ATP8A2: variants seen among roughly 807,000 people sequenced by gnomAD.
ATP8A2 encodes phospholipid-transporting ATPase IB.
A neutral mutation model predicts 165.6 loss-of-function variants in ATP8A2; 100 were observed. That is an observed-to-expected ratio of 0.60 (90% CI 0.51 to 0.71). The LOEUF is 0.71. ATP8A2 is among the 30% of genes least tolerant of loss of function. The probability of loss-of-function intolerance (pLI) is 0.00; values close to 1 mark genes in which losing one functional copy is unlikely to be tolerated. For missense variants in ATP8A2, 1,227 were observed against 1,479.5 expected, an observed-to-expected ratio of 0.83 and a Z score of 2.80; for synonymous variants, 543 against 548.8, an observed-to-expected ratio of 0.99 and a Z score of 0.15.
intron 25 of ATP8A2, among the ~76,000 whole-genome samples, chr13:25,720,668 T>G (rs191124097): frequency 1.5e-4 from 23 of 152,262 alleles, no homozygotes; most frequent in African/African-American, 5.1e-4. Flanking sequence ...TGCCCACCCC[T>G]CAGGTGTGAA....
At position 25,971,026 on chromosome 13, in the gene ATP8A2, G is replaced by A. The variant is rs184450794; in HGVS notation, c.3377+2347G>A. ...GGTGTGTGTGTGTGTTTCTGTGCACGTGTGCGCGCACACATGCACGGGTGG... is the reference window on the plus strand; with the variant it reads ...GGTGTGTGTGTGTGTTTCTGTGCACATGTGCGCGCACACATGCACGGGTGG... On this transcript the variant is annotated intron_variant, in intron 35 of 36. Coordinates refer to ENST00000381655, the MANE Select transcript of ATP8A2 (RefSeq NM_016529.6). Among the ~76,000 whole-genome samples, 27 of 152,114 alleles carry A rather than the reference G, an allele frequency of 1.8e-4. No homozygotes were observed. The East Asian group carries it at 4.8e-3, about 27-fold the overall frequency.
chr13:25,889,275 A>ATATATATATATATATATAT (rs1566239890), intron 33 of ATP8A2, among the ~76,000 whole-genome samples: 4 of 84,886 alleles, frequency 4.7e-5, no homozygotes, highest in African/African-American at 2.7e-4. Context: ...TATATATATA[A>ATATATATATATATATATAT]AATTTAAATG....
At chr13:25,935,737 C>A (rs1449998685) in intron 33 of ATP8A2, among the ~76,000 whole-genome samples, 1 of 152,148 alleles carries the variant, frequency 6.6e-6, no homozygotes, top group African/African-American at 2.4e-5. Flanking sequence ...GATCTGCCCC[C>A]ATGGTCCAAA....
intron 25 of ATP8A2, among the ~76,000 whole-genome samples, chr13:25,728,127 A>G (rs1318471410): frequency 1.3e-5 from 2 of 152,146 alleles, no homozygotes; most frequent in East Asian, 3.9e-4. Flanking sequence ...TAAAGCAAAA[A>G]CCGGTTTTTA....
At chr13:25,647,353 A>G (rs1472446150) in intron 24 of ATP8A2, among the ~76,000 whole-genome samples, 1 of 152,208 alleles carries the variant, frequency 6.6e-6, no homozygotes, top group East Asian at 1.9e-4. Context: ...TTTTGGAAAG[A>G]CAGCTTTGCT....
intron 33 of ATP8A2, among the ~76,000 whole-genome samples, chr13:25,957,889 G>A (rs1289625964): frequency 6.6e-6 from 1 of 152,210 alleles, no homozygotes. Context: ...TGATAGACTG[G>A]ATAAAGAAAA....
Position 25,953,874 on chromosome 13 carries a change from C to T in ATP8A2, c.3184-7701C>T, listed in dbSNP as rs573475608. On this transcript the variant is annotated intron_variant, in intron 33 of 36. Transcript: ENST00000381655. The surrounding 1 kb of genome is among the most constrained non-coding windows in gnomAD (Gnocchi z 6.7). ...CGCAAACTGCAGACCAGGAGATTCC[C>T]TCCGGTGCCTACATCACCAGGGCCC... is the stretch of plus-strand genomic sequence containing the variant. Among the ~76,000 whole-genome samples, 1 of 152,352 alleles carries T rather than the reference C, an allele frequency of 6.6e-6. No homozygotes were observed. Among genetic ancestry groups the T allele is most frequent in the Non-Finnish European group, 1.5e-5 (1 of 68,030 alleles).
chr13:25,376,913 CAG>C (rs1244575179), intron 1 of ATP8A2, among the ~76,000 whole-genome samples: 1 of 152,196 alleles, frequency 6.6e-6, no homozygotes, highest in Non-Finnish European at 1.5e-5. Flanking sequence ...TGATTCTGGA[CAG>C]AGTGTTCATC....
At chr13:25,486,215 T>C (rs1161086018) in intron 2 of ATP8A2, among the ~76,000 whole-genome samples, 1 of 152,214 alleles carries the variant, frequency 6.6e-6, no homozygotes, top group East Asian at 1.9e-4. Context: ...TTTTTTATCA[T>C]GTGTCATGCA....
At chr13:25,842,712 A>G (rs1951772710) in intron 30 of ATP8A2, among the ~76,000 whole-genome samples, 1 of 151,094 alleles carries the variant, frequency 6.6e-6, no homozygotes, top group Non-Finnish European at 1.5e-5. Flanking sequence ...AAAGGAAAGA[A>G]GGAAGGAAGG....
At position 25,912,944 on chromosome 13, in the gene ATP8A2, G is replaced by A. The variant is rs527832626; in HGVS notation, c.3184-48631G>A. ...GTTGGTCAACTGAGTAGCCTTTGAG[G>A]TCAGATAGCCCTGCGTCTCCCTCCC... On this transcript the variant is annotated intron_variant, in intron 33 of 36. Coordinates refer to ENST00000381655, the MANE Select transcript of ATP8A2 (RefSeq NM_016529.6). Among the ~76,000 whole-genome samples the A allele has an allele frequency of 8.5e-5, 13 of 152,310 alleles. No homozygotes were observed. The South Asian group carries it at 2.7e-3, about 32-fold the overall frequency.
At chr13:25,862,258 G>C in intron 32 of ATP8A2, 43 bp from the exon 33 acceptor site, 3 of 1,464,110 alleles carry the variant, frequency 2.0e-6, no homozygotes, top group Non-Finnish European at 2.9e-6. Flanking sequence ...GAATCTGCCA[G>C]GCTGGTCGAG....
intron 33 of ATP8A2, among the ~76,000 whole-genome samples, chr13:25,898,056 A>T (rs905922299): frequency 1.3e-5 from 2 of 151,914 alleles, no homozygotes; most frequent in African/African-American, 4.8e-5. Flanking sequence ...TTCTCTGTCC[A>T]GTTTTGTTCT....
chr13:25,803,206 T>C (rs1950658015), intron 27 of ATP8A2, among the ~76,000 whole-genome samples: 1 of 152,208 alleles, frequency 6.6e-6, no homozygotes, highest in Non-Finnish European at 1.5e-5. Context: ...AATGACTTTA[T>C]GTTTATGTAT....
chr13:25,958,301 T>TA (rs369653808), intron 33 of ATP8A2, among the ~76,000 whole-genome samples: 58,656 of 150,082 alleles, frequency 0.39, 11,996 homozygotes, highest in Non-Finnish European at 0.45. Context: ...AGGTATAATT[T>TA]AAAAAAAAAA....
chr13:25,683,219 C>T (rs1371613618), intron 24 of ATP8A2, among the ~76,000 whole-genome samples: 1 of 152,138 alleles, frequency 6.6e-6, no homozygotes, highest in Admixed American at 6.5e-5. Context: ...GCACATTGCC[C>T]TTAGACATTA....
intron 6 of ATP8A2, among the ~76,000 whole-genome samples, chr13:25,533,668 G>A (rs1481967495): frequency 6.6e-6 from 1 of 152,148 alleles, no homozygotes; most frequent in Non-Finnish European, 1.5e-5. Flanking sequence ...ATTTTTGGGT[G>A]GAAAGGTCAT....
At chr13:25,609,534 G>GGGATTCAATTATATATATATATATTT (rs2040603879) in intron 24 of ATP8A2, among the ~76,000 whole-genome samples, 1 of 42,296 alleles carries the variant, frequency 2.4e-5, no homozygotes. Flanking sequence ...ATATATATTT[G>GGGATTCAATTATATATATATATATTT]GGATTCAAAT....
intron 24 of ATP8A2, among the ~76,000 whole-genome samples, chr13:25,622,350 G>A (rs2040992028): frequency 6.6e-6 from 1 of 152,024 alleles, no homozygotes; most frequent in South Asian, 2.1e-4. Flanking sequence ...GTAACAATAA[G>A]ATAAGCAACA....
Sources: gnomAD v4.1 joint callset for allele counts (sites outside exome capture counted in the v4.1 genomes callset) on GRCh38, gnomAD v4.1.1 for gene constraint, Gnocchi (gnomAD v3.1) non-coding constraint, MANE v1.5 for transcripts, NCBI Gene and HGNC (gene_info 2026-07-23, HGNC 2026-07-21) for gene names.